Variants in OCA2 observed in about 807,000 individuals in gnomAD.
OCA2 encodes the protein OCA2 melanosomal transmembrane protein, also known as P protein.
Under a neutral mutation model 100.2 loss-of-function variants are expected in OCA2, and 77 were observed. The observed-to-expected ratio is 0.77, with a 90% confidence interval of 0.64 to 0.93. The LOEUF is 0.93. OCA2 is among the 40% of genes least tolerant of loss of function. The probability of loss-of-function intolerance (pLI) is 0.00; values close to 1 mark genes in which losing one functional copy is unlikely to be tolerated. For synonymous variants in OCA2, 432 were observed against 439.2 expected (o/e 0.98, Z 0.21); for missense variants, 1,062 against 1,089.1 (o/e 0.98, Z 0.35).
At chr15:27,770,779 A>ATTCTTCCTTCCTTCCTCCCTCTTT (rs1302416244) in intron 23 of OCA2, among the ~76,000 whole-genome samples, 3 of 61,684 alleles carry the variant, frequency 4.9e-5, no homozygotes, top group African/African-American at 1.4e-4. Flanking sequence ...CCTCCCTTCC[A>ATTCTTCCTTCCTTCCTCCCTCTTT]TCCTTCCTTC....
chr15:27,775,226 G>A (rs559615312), intron 23 of OCA2, among the ~76,000 whole-genome samples: 1 of 152,234 alleles, frequency 6.6e-6, no homozygotes. Flanking sequence ...GGCTGAGTGC[G>A]GCCTGGCGAC....
intron 15 of OCA2, among the ~76,000 whole-genome samples, chr15:27,962,801 CA>C (rs2040448102): frequency 6.6e-6 from 1 of 152,098 alleles, no homozygotes; most frequent in South Asian, 2.1e-4. Context: ...CACTTAAATT[CA>C]ATCGCATCAC....
At chr15:27,967,666 C>A (rs906938583) in intron 14 of OCA2, among the ~76,000 whole-genome samples, 1 of 152,250 alleles carries the variant, frequency 6.6e-6, no homozygotes, top group African/African-American at 2.4e-5. Flanking sequence ...TCGCTTAGAG[C>A]ATGGGGACCA....
At chr15:28,012,909 G>A (rs2042282442) in intron 9 of OCA2, among the ~76,000 whole-genome samples, 2 of 152,170 alleles carry the variant, frequency 1.3e-5, no homozygotes, top group Admixed American at 6.5e-5. Flanking sequence ...TAAATTCAGT[G>A]GACACCACTG....
chr15:27,861,246 A>T (rs1326882538), intron 21 of OCA2, among the ~76,000 whole-genome samples: 1 of 152,168 alleles, frequency 6.6e-6, no homozygotes, highest in East Asian at 1.9e-4. Flanking sequence ...AGCAACTGAG[A>T]GAACGGAGTC....
intron 23 of OCA2, among the ~76,000 whole-genome samples, chr15:27,768,762 T>G (rs1343284850): frequency 2.0e-5 from 3 of 152,202 alleles, no homozygotes; most frequent in Non-Finnish European, 4.4e-5. Context: ...TGGGACCCTG[T>G]GGTGGCAGCC....
chr15:27,871,336 G>A, intron 20 of OCA2, 78 bp from the exon 21 acceptor site: 1 of 1,051,958 alleles, frequency 9.5e-7, no homozygotes, highest in Non-Finnish European at 1.5e-6. Flanking sequence ...GAGACTCAGA[G>A]GGGCCCGAGG....
intron 23 of OCA2, among the ~76,000 whole-genome samples, chr15:27,779,870 TG>T (rs1277527390): frequency 1.3e-5 from 2 of 152,212 alleles, no homozygotes; most frequent in African/African-American, 4.8e-5. Context: ...TCTTGCCTTG[TG>T]TTTCCTTGTG....
intron 23 of OCA2, among the ~76,000 whole-genome samples, chr15:27,802,503 C>CA (rs2033658007): frequency 6.6e-6 from 1 of 151,728 alleles, no homozygotes; most frequent in Non-Finnish European, 1.5e-5. Flanking sequence ...AAAACAACAC[C>CA]AAAAAAACCT....
Position 28,052,961 on chromosome 15 carries a change from C to T in OCA2, c.228-20798G>A, listed in dbSNP as rs550514191. Reference sequence around the variant, plus strand: ...AGACCGTAGAAGCAGACAGGGATGGCGATGGCAATGACTGCGCTGCCAGGT... The same window carrying T: ...AGACCGTAGAAGCAGACAGGGATGGTGATGGCAATGACTGCGCTGCCAGGT... On this transcript the variant is annotated intron_variant, in intron 2 of 23. Coordinates refer to ENST00000354638, the MANE Select transcript of OCA2 (RefSeq NM_000275.3). Among the ~76,000 whole-genome samples, 13 of 152,130 alleles carry T rather than the reference C, an allele frequency of 8.5e-5. No individual in the cohort carries two copies. In the East Asian group the frequency reaches 1.2e-3, roughly 14 times the overall value.
chr15:27,977,047 T>C lies in OCA2; in HGVS notation c.1503+6298A>G, dbSNP rs556320612. On this transcript the variant is annotated intron_variant, in intron 14 of 23. Transcript: ENST00000354638. ...TATCTAAGTTGTCAAATAGTTTACA[T>C]AGAGTTGTCCATGATCTTCTCTAAG... is the stretch of plus-strand genomic sequence containing the variant. 2.6e-5 allele frequency among the ~76,000 whole-genome samples: 4 copies of C among 152,316 alleles called. No individual in the cohort carries two copies. The East Asian group carries it at 5.8e-4, about 22-fold the overall frequency.
chr15:27,923,942 T>C (rs2038955462), intron 19 of OCA2, among the ~76,000 whole-genome samples: 1 of 152,336 alleles, frequency 6.6e-6, no homozygotes, highest in Non-Finnish European at 1.5e-5. Context: ...CCCGTGCCTA[T>C]GTGCAGAATG....
intron 9 of OCA2, among the ~76,000 whole-genome samples, chr15:28,012,453 A>G (rs2141209971): frequency 6.6e-6 from 1 of 152,318 alleles, no homozygotes; most frequent in African/African-American, 2.4e-5. Context: ...CTGCCCTCCA[A>G]GGCCCTTCCT....
chr15:28,077,648 T>C (rs1207108435), intron 2 of OCA2, among the ~76,000 whole-genome samples: 1 of 152,206 alleles, frequency 6.6e-6, no homozygotes, highest in Non-Finnish European at 1.5e-5. Flanking sequence ...GTTCCCTCTG[T>C]TATAGGACTA....
chr15:27,923,184 T>A (rs1401761860), intron 19 of OCA2, among the ~76,000 whole-genome samples: 1 of 152,232 alleles, frequency 6.6e-6, no homozygotes, highest in Non-Finnish European at 1.5e-5. Context: ...ATGGTGTATA[T>A]GTTTATACAT....
At chr15:28,001,938 G>A (rs2041941224) in intron 9 of OCA2, among the ~76,000 whole-genome samples, 1 of 152,176 alleles carries the variant, frequency 6.6e-6, no homozygotes, top group Admixed American at 6.5e-5. Flanking sequence ...GCCTGGAGAG[G>A]CCGAGAGCTG....
At chr15:27,866,069 G>A (rs565819479) in intron 21 of OCA2, among the ~76,000 whole-genome samples, 1 of 152,280 alleles carries the variant, frequency 6.6e-6, no homozygotes, top group South Asian at 2.1e-4. Flanking sequence ...TTACATGACT[G>A]GGGGCCTGAG....
At chr15:27,761,753 C>T (rs758423973) in intron 23 of OCA2, among the ~76,000 whole-genome samples, 19 of 152,312 alleles carry the variant, frequency 1.2e-4, no homozygotes, top group Non-Finnish European at 2.2e-4. Flanking sequence ...CAATACAGCA[C>T]GGATGCAGAT....
chr15:27,833,694 A>G (rs527983267), intron 23 of OCA2, among the ~76,000 whole-genome samples: 1 of 152,324 alleles, frequency 6.6e-6, no homozygotes, highest in African/African-American at 2.4e-5. Context: ...CTTCCCAGTT[A>G]TAGGAAATTT....
Sources: gnomAD v4.1 joint callset for allele counts (sites outside exome capture counted in the v4.1 genomes callset) on GRCh38, gnomAD v4.1.1 for gene constraint, MANE v1.5 for transcripts, NCBI Gene and HGNC (gene_info 2026-07-23, HGNC 2026-07-21) for gene names.